SCAMP1: variants seen among roughly 807,000 people sequenced by gnomAD.
SCAMP1 encodes secretory carrier membrane protein 1, also known as secretory carrier-associated membrane protein 1.
A neutral mutation model predicts 41.8 loss-of-function variants in SCAMP1; 15 were observed. That is an observed-to-expected ratio of 0.36 (90% CI 0.24 to 0.55). The LOEUF (loss-of-function observed/expected upper bound fraction) is 0.55. Among genes scored for constraint, SCAMP1 ranks in the 20% least tolerant of loss-of-function variants. The pLI, the probability that SCAMP1 is intolerant of heterozygous loss-of-function variation, is 0.86. For missense variants in SCAMP1, 341 were observed against 412.6 expected (o/e 0.83, Z 1.50); for synonymous variants, 135 against 136.8 (o/e 0.99, Z 0.09).
intron 2 of SCAMP1, among the ~76,000 whole-genome samples, chr5:78,396,590 T>G (rs1306363295): frequency 6.6e-6 from 1 of 152,176 alleles, no homozygotes; most frequent in Non-Finnish European, 1.5e-5. Flanking sequence ...GATATACATG[T>G]GGGAATCATT....
intron 7 of SCAMP1, among the ~76,000 whole-genome samples, chr5:78,458,158 G>C (rs139214778): frequency 6.6e-6 from 1 of 152,116 alleles, no homozygotes; most frequent in Non-Finnish European, 1.5e-5. Flanking sequence ...CGTCGCTCTC[G>C]CTGGGAGCTG....
chr5:78,454,634 C>A (rs1032570918), intron 7 of SCAMP1, among the ~76,000 whole-genome samples: 12 of 152,070 alleles, frequency 7.9e-5, no homozygotes, highest in African/African-American at 2.9e-4. Context: ...GGATATTGGT[C>A]TAAAATTCTC....
rs1023582248 is a variant in SCAMP1 at position 78,478,041 on chromosome 5, AG to A, written c.*2374del. ...TTATGGCAATTTTATTTCAAACTAA[AG>A]TTTGAACACCGGAAAGTCATTACTC... On this transcript the variant is annotated 3_prime_UTR_variant, in exon 9 of 9. Transcript: ENST00000621999. 2.0e-5 allele frequency: 3 copies of A among 152,564 alleles called. No homozygotes were observed. Among genetic ancestry groups the A allele is most frequent in the African/African-American group, 7.2e-5 (3 of 41,450 alleles). The allele number at this position is 152,564 out of a possible 1,614,324, so 9.5% of individuals were successfully genotyped here.
intron 2 of SCAMP1, among the ~76,000 whole-genome samples, chr5:78,389,441 T>G (rs995201336): frequency 7.9e-5 from 12 of 152,166 alleles, no homozygotes; most frequent in African/African-American, 2.9e-4. Context: ...CTTTTAAAAA[T>G]TTATTTATTG....
chr5:78,439,583 T>A (rs1371147356), intron 6 of SCAMP1, among the ~76,000 whole-genome samples: 1 of 152,236 alleles, frequency 6.6e-6, no homozygotes, highest in South Asian at 2.1e-4. Flanking sequence ...CCGAGAGATC[T>A]GCTGTTAGTC....
At chr5:78,415,801 A>G (rs1450856817) in intron 3 of SCAMP1, among the ~76,000 whole-genome samples, 183 bp downstream of exon 3, 1 of 152,146 alleles carries the variant, frequency 6.6e-6, no homozygotes, top group Non-Finnish European at 1.5e-5. Flanking sequence ...GTCAGCTTAT[A>G]CCATTTGCTT....
intron 6 of SCAMP1, among the ~76,000 whole-genome samples, chr5:78,431,627 A>C (rs181194674): frequency 1.2e-3 from 143 of 119,622 alleles, no homozygotes; most frequent in African/African-American, 4.4e-3. Flanking sequence ...ACTGTTTTTT[A>C]GTGATGCCCT....
intron 6 of SCAMP1, 93 bp downstream of exon 6, chr5:78,422,053 T>TA: frequency 9.2e-7 from 1 of 1,089,074 alleles, no homozygotes; most frequent in Non-Finnish European, 1.3e-6. Context: ...GCATTTTCAT[T>TA]AAAAAATTCT....
chr5:78,469,602 A>G (rs754828465), intron 8 of SCAMP1, among the ~76,000 whole-genome samples: 3 of 152,048 alleles, frequency 2.0e-5, no homozygotes, highest in Non-Finnish European at 4.4e-5. Context: ...GGCATCTTCA[A>G]ATTTGGTAGA....
intron 6 of SCAMP1, among the ~76,000 whole-genome samples, chr5:78,447,873 C>A: frequency 2.0e-5 from 1 of 50,728 alleles, no homozygotes; most frequent in Non-Finnish European, 4.3e-5. Context: ...CCCCCTTCCC[C>A]TACCCCTTCC....
chr5:78,435,871 A>C (rs1752740122), intron 6 of SCAMP1, among the ~76,000 whole-genome samples: 1 of 152,180 alleles, frequency 6.6e-6, no homozygotes, highest in African/African-American at 2.4e-5. Context: ...ATTTCTCCAC[A>C]TCCTCTCCAG....
At chr5:78,362,874 A>G (rs1454607923) in intron 1 of SCAMP1, among the ~76,000 whole-genome samples, 2 of 149,320 alleles carry the variant, frequency 1.3e-5, no homozygotes, top group Non-Finnish European at 3.0e-5. Context: ...GAGTTACTTT[A>G]TGATCATTTT....
chr5:78,459,422 C>T, intron 8 of SCAMP1, 60 bp downstream of exon 8: 1 of 841,252 alleles, frequency 1.2e-6, no homozygotes, highest in Non-Finnish European at 1.9e-6. Flanking sequence ...TCTCATTTTC[C>T]TATTTTGCTA....
At chr5:78,382,989 G>A (rs1285098467) in intron 1 of SCAMP1, among the ~76,000 whole-genome samples, 2 of 152,144 alleles carry the variant, frequency 1.3e-5, no homozygotes, top group African/African-American at 4.8e-5. Context: ...GGATCAAATG[G>A]TAGATCTGCT....
chr5:78,384,859 T>G (rs1240748753), intron 1 of SCAMP1, among the ~76,000 whole-genome samples: 1 of 152,304 alleles, frequency 6.6e-6, no homozygotes, highest in African/African-American at 2.4e-5. Context: ...TAACTAGTAT[T>G]TGGTTGAGGA....
intron 7 of SCAMP1, among the ~76,000 whole-genome samples, chr5:78,451,030 T>TA (rs1385592357): frequency 6.6e-6 from 1 of 152,222 alleles, no homozygotes; most frequent in Non-Finnish European, 1.5e-5. Context: ...AATGTTTAAT[T>TA]AAAAATATAC....
chr5:78,469,554 C>T (rs1561290719), intron 8 of SCAMP1, among the ~76,000 whole-genome samples: 2 of 151,556 alleles, frequency 1.3e-5, no homozygotes, highest in Non-Finnish European at 2.9e-5. Flanking sequence ...TAATAGATCC[C>T]AAATCTAGGT....
chr5:78,474,698 A>G (rs1283208018), intron 8 of SCAMP1, among the ~76,000 whole-genome samples: 1 of 152,148 alleles, frequency 6.6e-6, no homozygotes, highest in Non-Finnish European at 1.5e-5. Context: ...AATTACCAGT[A>G]TCTTTCTGTC....
chr5:78,415,564 A>G lies in SCAMP1; in HGVS notation c.180A>G (p.Gln60=). 9 of 1,608,444 alleles carry G rather than the reference A, an allele frequency of 5.6e-6. No homozygotes were observed. The highest frequency in any genetic ancestry group is 2.2e-5 in the East Asian group (1 of 44,796). ...AGATGCCTAATGTACCCAATACACA[A>G]CCAGCAATAATGAAACCAACAGAGG... is the stretch of plus-strand genomic sequence containing the variant. ...GVKMPNVPNT[Q]PAIMKPTEEH... is the part of the protein sequence containing the mutation. The change falls in exon 3 of 9, where the codon CAA becomes CAG. Residue 60 remains glutamine, a synonymous_variant. Coordinates refer to ENST00000621999, the MANE Select transcript of SCAMP1 (RefSeq NM_004866.6).
Sources: gnomAD v4.1 joint callset for allele counts (sites outside exome capture counted in the v4.1 genomes callset) on GRCh38, gnomAD v4.1.1 for gene constraint, MANE v1.5 for transcripts, NCBI Gene and HGNC (gene_info 2026-07-23, HGNC 2026-07-21) for gene names.